PRKAR2A: variants seen among roughly 807,000 people sequenced by gnomAD.
The protein encoded by PRKAR2A is cAMP-dependent protein kinase type II-alpha regulatory subunit.
PRKAR2A carries 29 observed loss-of-function variants against 51.9 expected under a neutral mutation model. The ratio of observed to expected loss-of-function variants is 0.56; its 90% CI spans 0.42 to 0.76. The LOEUF (loss-of-function observed/expected upper bound fraction) is 0.76. Among genes scored for constraint, PRKAR2A ranks in the 30% least tolerant of loss-of-function variants. PRKAR2A has a pLI of 0.00. For missense variants in PRKAR2A, 445 were observed against 512.1 expected, an observed-to-expected ratio of 0.87 and a Z score of 1.26; for synonymous variants, 178 against 186.2, an observed-to-expected ratio of 0.96 and a Z score of 0.36.
chr3:48,745,527 GTTTTTT>G (rs34668049), downstream of PRKAR2A, among the ~76,000 whole-genome samples: 14 of 70,422 alleles, frequency 2.0e-4, no homozygotes, highest in African/African-American at 7.0e-4. Flanking sequence ...TTTGGATAAG[GTTTTTT>G]TTTTTTTTTT....
chr3:48,828,617 G>C (rs187975492), intron 1 of PRKAR2A, among the ~76,000 whole-genome samples: 1 of 150,922 alleles, frequency 6.6e-6, no homozygotes, highest in Admixed American at 6.6e-5. Flanking sequence ...AGCTACTCCA[G>C]GCTGAGGTGG....
At chr3:48,784,159 G>A (rs2082250813) in intron 4 of PRKAR2A, among the ~76,000 whole-genome samples, 1 of 152,090 alleles carries the variant, frequency 6.6e-6, no homozygotes. Flanking sequence ...TCAGTCTGGG[G>A]CCAGCATCCC....
intron 2 of PRKAR2A, among the ~76,000 whole-genome samples, chr3:48,795,134 G>A (rs151062994): frequency 1.3e-5 from 2 of 152,138 alleles, no homozygotes; most frequent in Non-Finnish European, 2.9e-5. Flanking sequence ...CTGCAACCAT[G>A]CCAGGCTAAT....
At chr3:48,822,376 T>C (rs967678855) in intron 1 of PRKAR2A, among the ~76,000 whole-genome samples, 2 of 152,066 alleles carry the variant, frequency 1.3e-5, no homozygotes, top group African/African-American at 2.4e-5. Context: ...CAAACTTCCA[T>C]GGCCACAGAA....
At chr3:48,758,024 C>T (rs764890062) in intron 8 of PRKAR2A, among the ~76,000 whole-genome samples, 6 of 152,022 alleles carry the variant, frequency 3.9e-5, no homozygotes, top group Non-Finnish European at 7.3e-5. Context: ...CCATTGCACT[C>T]CAGCCTGGGC....
rs2081579896 is a variant in PRKAR2A, at chr3:48,747,595, G to A, written c.*3990C>T. On this transcript the variant is annotated 3_prime_UTR_variant, in exon 11 of 11. Transcript: ENST00000265563. The stretch of plus-strand genomic sequence containing the variant: ...TTTCTGAGAGTCTACAGCAATATAT[G>A]TAACACAATTATATATGAAGACTAT... 6.6e-6 allele frequency: 1 copy of A among 152,150 alleles called. No individual in the cohort carries two copies. Among genetic ancestry groups the A allele is most frequent in the South Asian group, 2.1e-4 (1 of 4,830 alleles). The allele number at this position is 152,150 out of a possible 1,614,324, so 9.4% of individuals were successfully genotyped here.
intron 8 of PRKAR2A, 134 bp downstream of exon 8, chr3:48,764,870 C>A (rs556757814): frequency 1.4e-6 from 1 of 696,802 alleles, no homozygotes; most frequent in South Asian, 1.9e-5. Flanking sequence ...AGTGATCCAC[C>A]TGCCTCAGCC....
At chr3:48,821,262 C>G (rs2082955720) in intron 1 of PRKAR2A, among the ~76,000 whole-genome samples, 2 of 152,156 alleles carry the variant, frequency 1.3e-5, no homozygotes, top group African/African-American at 4.8e-5. Context: ...CTAGGAACAC[C>G]AGCTATCCAG....
In PRKAR2A at chr3:48,756,113, T is replaced by C. The variant is rs544373206; in HGVS notation, c.939+266A>G. Among the ~76,000 whole-genome samples the C allele has an allele frequency of 3.5e-4, 54 of 152,310 alleles. 1 individual carries two copies. Among genetic ancestry groups the C allele is most frequent in the African/African-American group, 7.9e-4 (33 of 41,576 alleles). On this transcript the variant is annotated intron_variant, in intron 9 of 10. Coordinates refer to ENST00000265563, the MANE Select transcript of PRKAR2A (RefSeq NM_004157.4). The stretch of plus-strand genomic sequence containing the variant: ...CATTTTCTATTAGGGTTTTTATCTT[T>C]TTCTTATTGATTTGTAGGCCAATAT...
At position 48,755,609 on chromosome 3, in the gene PRKAR2A, CT is replaced by C. The variant is rs545711673; in HGVS notation, c.939+769del. On this transcript the variant is annotated intron_variant, in intron 9 of 10. Transcript: ENST00000265563. ...TTATATAATTTCCCTATTTTCTTTCCTTTTTTTTTTTTTTTAAAGACAGGGT... is the reference window on the plus strand; with the variant it reads ...TTATATAATTTCCCTATTTTCTTTCCTTTTTTTTTTTTTTAAAGACAGGGT... Among the ~76,000 whole-genome samples the C allele has an allele frequency of 4.4e-3, 610 of 138,852 alleles. 1 individual carries two copies. The highest frequency in any genetic ancestry group is 8.5e-3 in the East Asian group (41 of 4,804). The allele number at this position is 138,852 out of a possible 152,430, so 91.1% of individuals were successfully genotyped here.
At chr3:48,774,118 C>T (rs553420186) in intron 5 of PRKAR2A, among the ~76,000 whole-genome samples, 1 of 152,196 alleles carries the variant, frequency 6.6e-6, no homozygotes, top group East Asian at 1.9e-4. Context: ...AAGGCATGAG[C>T]CACCATGCCC....
chr3:48,833,792 T>C (rs1054490238), intron 1 of PRKAR2A, among the ~76,000 whole-genome samples: 13 of 150,486 alleles, frequency 8.6e-5, no homozygotes, highest in African/African-American at 3.2e-4. Context: ...TCCCAGCACT[T>C]TGGGAGGCCA....
intron 9 of PRKAR2A, among the ~76,000 whole-genome samples, chr3:48,754,187 A>C (rs1356608376): frequency 6.6e-6 from 1 of 151,244 alleles, no homozygotes; most frequent in Non-Finnish European, 1.5e-5. Context: ...AGCGTGAGCC[A>C]CCATGCCAGG....
intron 1 of PRKAR2A, among the ~76,000 whole-genome samples, chr3:48,812,551 T>C (rs1047802006): frequency 9.9e-5 from 15 of 151,820 alleles, no homozygotes; most frequent in Admixed American, 6.6e-4. Flanking sequence ...GGCACAATCT[T>C]GGCTCACTGC....
chr3:48,841,537 C>T (rs1458692782), intron 1 of PRKAR2A, among the ~76,000 whole-genome samples: 1 of 102,372 alleles, frequency 9.8e-6, no homozygotes, highest in Non-Finnish European at 1.8e-5. Context: ...GAACAAGACT[C>T]TGTCTCAAAA....
At chr3:48,759,038 A>G (rs1473170878) in intron 8 of PRKAR2A, among the ~76,000 whole-genome samples, 1 of 152,190 alleles carries the variant, frequency 6.6e-6, no homozygotes, top group East Asian at 1.9e-4. Context: ...TGATTTGGTA[A>G]TACTTCACTA....
intron 1 of PRKAR2A, among the ~76,000 whole-genome samples, chr3:48,820,252 G>T (rs1288746884): frequency 6.6e-6 from 1 of 152,176 alleles, no homozygotes; most frequent in Non-Finnish European, 1.5e-5. Flanking sequence ...ATGCATTTTG[G>T]AAAGATTATT....
Position 48,751,425 on chromosome 3 carries a change from A to T in PRKAR2A, c.*160T>A. Reference sequence around the variant, plus strand: ...TGGGTTGAACCTCTGCCCATCCTTTAGTGCTGACTTTCAAGTTTTCTAAAT... The same window carrying T: ...TGGGTTGAACCTCTGCCCATCCTTTTGTGCTGACTTTCAAGTTTTCTAAAT... On this transcript the variant is annotated 3_prime_UTR_variant, in exon 11 of 11. Transcript: ENST00000265563. 9.8e-7 allele frequency: 1 copy of T among 1,015,478 alleles called. No individual in the cohort carries two copies. The highest frequency in any genetic ancestry group is 1.5e-6 in the Non-Finnish European group (1 of 666,422). The allele number at this position is 1,015,478 out of a possible 1,614,324, so 62.9% of individuals were successfully genotyped here.
rs1216859005 is a variant in PRKAR2A, at chr3:48,782,881, G to C, written c.542+105C>G. 38 of 777,192 alleles carry C rather than the reference G, an allele frequency of 4.9e-5. No homozygotes were observed. In the East Asian group the frequency reaches 9.1e-4, roughly 19 times the overall value. 48.1% of individuals were successfully genotyped at this position (777,192 alleles called of 1,614,324 possible). ...AAGGCTTTGGGAAGCTTGTTCACCTGGCCCTTAGCCTCTCTGGGCTGAATA... is the reference window on the plus strand; with the variant it reads ...AAGGCTTTGGGAAGCTTGTTCACCTCGCCCTTAGCCTCTCTGGGCTGAATA... On this transcript the variant is annotated intron_variant, in intron 5 of 10. Transcript: ENST00000265563.
Sources: allele counts gnomAD v4.1 joint callset (sites outside exome capture counted in the v4.1 genomes callset), GRCh38; gene constraint gnomAD v4.1.1; transcripts MANE v1.5; gene names NCBI Gene and HGNC (gene_info 2026-07-23, HGNC 2026-07-21).